The following GPR158 variants were observed in gnomAD, a reference collection of about 807,000 sequenced individuals.
GPR158 encodes the protein G protein-coupled receptor 158, also known as metabotropic glycine receptor.
A neutral mutation model predicts 78.2 loss-of-function variants in GPR158; 30 were observed. That is an observed-to-expected ratio of 0.38 (90% CI 0.29 to 0.52). The LOEUF (loss-of-function observed/expected upper bound fraction) is 0.52, where lower values mean the gene tolerates loss of function less well. Among genes scored for constraint, GPR158 ranks in the 20% least tolerant of loss-of-function variants. The probability of loss-of-function intolerance (pLI) is 0.83; values close to 1 mark genes in which losing one functional copy is unlikely to be tolerated. For synonymous variants in GPR158, 581 were observed against 591.1 expected (o/e 0.98, Z 0.25); for missense variants, 1,463 against 1,523.5 (o/e 0.96, Z 0.66).
chr10:25,433,549 G>GTGTGTGTGT (rs1554803612), intron 4 of GPR158, among the ~76,000 whole-genome samples: 22 of 134,590 alleles, frequency 1.6e-4, no homozygotes, highest in South Asian at 2.4e-4. Flanking sequence ...TGTGTGTGTT[G>GTGTGTGTGT]TGTGTGTGTG....
chr10:25,399,858 G>A (rs968322451), intron 3 of GPR158, among the ~76,000 whole-genome samples: 1 of 152,086 alleles, frequency 6.6e-6, no homozygotes, highest in Non-Finnish European at 1.5e-5. Context: ...GCAAGTTATA[G>A]GGAATGTTAT....
intron 2 of GPR158, among the ~76,000 whole-genome samples, chr10:25,369,610 G>A (rs1280827968): frequency 1.3e-5 from 2 of 151,704 alleles, no homozygotes; most frequent in Admixed American, 1.3e-4. Context: ...GTTCATCAAG[G>A]ATATTGGTCT....
At chr10:25,431,026 T>C (rs1164811427) in intron 4 of GPR158, among the ~76,000 whole-genome samples, 16 of 145,572 alleles carry the variant, frequency 1.1e-4, no homozygotes, top group African/African-American at 2.3e-4. Context: ...TCTAATTAAA[T>C]TAAAGAGCTT....
chr10:25,341,546 A>G (rs1400355304), intron 2 of GPR158, among the ~76,000 whole-genome samples: 1 of 151,968 alleles, frequency 6.6e-6, no homozygotes, highest in Admixed American at 6.6e-5. Flanking sequence ...GGAATCCAGG[A>G]GAGAAAAAGA....
chr10:25,488,940 G>A (rs902687819), intron 5 of GPR158, among the ~76,000 whole-genome samples: 1 of 151,898 alleles, frequency 6.6e-6, no homozygotes, highest in African/African-American at 2.4e-5. Flanking sequence ...ATGAAAAAAA[G>A]GGAAAAAAAC....
intron 2 of GPR158, among the ~76,000 whole-genome samples, chr10:25,299,435 A>G (rs1003238057): frequency 3.3e-5 from 5 of 152,148 alleles, no homozygotes; most frequent in African/African-American, 4.8e-5. Context: ...TTTCCACCCT[A>G]TATTTATACA....
At chr10:25,241,409 C>CTCTTCTCTTCTCTTT (rs1302467821) in intron 2 of GPR158, among the ~76,000 whole-genome samples, 1,914 of 107,966 alleles carry the variant, frequency 0.018, 29 homozygotes, top group Non-Finnish European at 0.03. Flanking sequence ...CTCTTCTCTT[C>CTCTTCTCTTCTCTTT]TCTTTTCTTT....
intron 5 of GPR158, among the ~76,000 whole-genome samples, chr10:25,530,773 C>T (rs948026962): frequency 7.2e-5 from 11 of 152,188 alleles, no homozygotes; most frequent in Non-Finnish European, 1.6e-4. Flanking sequence ...TCGTTTAACT[C>T]CTTCTCAGTC....
intron 5 of GPR158, among the ~76,000 whole-genome samples, chr10:25,484,009 T>G (rs1240209990): frequency 6.6e-6 from 1 of 152,346 alleles, no homozygotes; most frequent in East Asian, 1.9e-4. Flanking sequence ...TGTGTCTCTC[T>G]AAATCTTTAT....
rs191691665 is a variant in GPR158 at position 25,520,895 on chromosome 10, A to T, written c.1405-30081A>T. 0.013 allele frequency among the ~76,000 whole-genome samples: 2,040 copies of T among 152,284 alleles called. 125 individuals carry two copies. In the East Asian group the frequency reaches 0.14, roughly 11 times the overall value. On this transcript the variant is annotated intron_variant, in intron 5 of 10. Coordinates refer to ENST00000376351, the MANE Select transcript of GPR158 (RefSeq NM_020752.3). Reference sequence around the variant, plus strand: ...CCTTGAGCTGTGGTGGGCTCCGCCCAGTTGGAGCTTCCCGGCTTCTTTGTT... The same window carrying T: ...CCTTGAGCTGTGGTGGGCTCCGCCCTGTTGGAGCTTCCCGGCTTCTTTGTT...
At chr10:25,407,718 G>A (rs578185382) in intron 3 of GPR158, among the ~76,000 whole-genome samples, 2 of 151,888 alleles carry the variant, frequency 1.3e-5, no homozygotes, top group Non-Finnish European at 2.9e-5. Flanking sequence ...AAATTATGTC[G>A]ACTCCACCTT....
At chr10:25,374,842 A>G (rs919114538) in intron 2 of GPR158, among the ~76,000 whole-genome samples, 2 of 151,744 alleles carry the variant, frequency 1.3e-5, no homozygotes, top group Admixed American at 6.6e-5. Flanking sequence ...TCTTAAAAAT[A>G]AAGCCAAACA....
At chr10:25,246,601 T>A (rs1421996005) in intron 2 of GPR158, among the ~76,000 whole-genome samples, 1 of 152,212 alleles carries the variant, frequency 6.6e-6, no homozygotes, top group East Asian at 1.9e-4. Context: ...GGCACCTGCC[T>A]GCAAAGAGCT....
At chr10:25,412,183 A>C in intron 3 of GPR158, 67 bp from the exon 4 acceptor site, 1 of 1,052,306 alleles carries the variant, frequency 9.5e-7, no homozygotes, top group South Asian at 1.3e-5. Context: ...ATGTCTTTTG[A>C]CTCTATACTC....
chr10:25,496,962 G>A (rs1835889874), intron 5 of GPR158, among the ~76,000 whole-genome samples: 1 of 152,172 alleles, frequency 6.6e-6, no homozygotes, highest in Admixed American at 6.5e-5. Flanking sequence ...CCTGTGGACT[G>A]CAGAGGTCAA....
intron 2 of GPR158, among the ~76,000 whole-genome samples, chr10:25,328,907 A>G (rs1855075458): frequency 7.1e-6 from 1 of 141,490 alleles, no homozygotes; most frequent in Non-Finnish European, 1.5e-5. Flanking sequence ...AGCCTGGGCA[A>G]CAAGAGCGAA....
At chr10:25,327,615 AG>A (rs1242659017) in intron 2 of GPR158, among the ~76,000 whole-genome samples, 3 of 152,184 alleles carry the variant, frequency 2.0e-5, no homozygotes, top group Non-Finnish European at 4.4e-5. Context: ...TATGACTCTT[AG>A]GGAAGACAGG....
At chr10:25,297,227 G>C (rs1385251847) in intron 2 of GPR158, among the ~76,000 whole-genome samples, 3 of 152,134 alleles carry the variant, frequency 2.0e-5, no homozygotes, top group African/African-American at 7.2e-5. Flanking sequence ...TTTACAGACT[G>C]GGACAACTTT....
At chr10:25,475,970 A>C (rs1835578305) in intron 5 of GPR158, 1 of 152,174 alleles carries the variant, frequency 6.6e-6, no homozygotes, top group Non-Finnish European at 1.5e-5. Context: ...TGCCTTTTCT[A>C]AGCAATCTTA....
Sources: gnomAD v4.1 joint callset for allele counts (sites outside exome capture counted in the v4.1 genomes callset) on GRCh38, gnomAD v4.1.1 for gene constraint, MANE v1.5 for transcripts, NCBI Gene and HGNC (gene_info 2026-07-23, HGNC 2026-07-21) for gene names.